SNTG1: variants seen among roughly 807,000 people sequenced by gnomAD.
The protein encoded by SNTG1 is gamma-1-syntrophin.
In SNTG1, 39 loss-of-function variants were observed where a neutral mutation model predicts 74.7. That is an observed-to-expected ratio of 0.52 (90% CI 0.40 to 0.68). The LOEUF is 0.68. SNTG1 is among the 30% of genes least tolerant of loss of function. The pLI, the probability that SNTG1 is intolerant of heterozygous loss-of-function variation, is 0.00. For synonymous variants in SNTG1, 254 were observed against 217.1 expected (o/e 1.17, Z -1.49); for missense variants, 685 against 609.5 (o/e 1.12, Z -1.30).
intron 2 of SNTG1, among the ~76,000 whole-genome samples, chr8:50,337,169 A>C (rs1055764508): frequency 5.3e-5 from 8 of 152,232 alleles, no homozygotes; most frequent in Non-Finnish European, 1.2e-4. Context: ...CATCAAGAAC[A>C]AGTGAACAAA....
At chr8:50,246,786 T>A (rs1272744295) in intron 2 of SNTG1, among the ~76,000 whole-genome samples, 1 of 152,198 alleles carries the variant, frequency 6.6e-6, no homozygotes, top group African/African-American at 2.4e-5. Flanking sequence ...TAAAATGCCT[T>A]GAGCACCCCA....
chr8:50,426,849 A>G (rs772607826), intron 4 of SNTG1, among the ~76,000 whole-genome samples: 7 of 152,180 alleles, frequency 4.6e-5, no homozygotes, highest in Non-Finnish European at 1.0e-4. Flanking sequence ...TTAAAAAGCA[A>G]TAACGTATAA....
chr8:50,261,205 C>G (rs376902302), intron 2 of SNTG1, among the ~76,000 whole-genome samples: 5 of 152,124 alleles, frequency 3.3e-5, no homozygotes, highest in African/African-American at 1.2e-4. Context: ...ATAATTGTAT[C>G]ACTCTTGTCA....
intron 15 of SNTG1, among the ~76,000 whole-genome samples, chr8:50,701,499 C>A (rs750616967): frequency 6.6e-6 from 1 of 152,140 alleles, no homozygotes; most frequent in Non-Finnish European, 1.5e-5. Context: ...TGATATTCTA[C>A]TCGTTTTCAG....
intron 15 of SNTG1, among the ~76,000 whole-genome samples, chr8:50,659,496 A>G (rs763152976): frequency 7.2e-5 from 11 of 152,206 alleles, no homozygotes; most frequent in Non-Finnish European, 1.5e-4. Flanking sequence ...TGAAACATTT[A>G]AAATATAATA....
chr8:50,507,709 G>A (rs758299957), intron 9 of SNTG1, among the ~76,000 whole-genome samples: 6 of 151,668 alleles, frequency 4.0e-5, no homozygotes, highest in African/African-American at 7.3e-5. Flanking sequence ...TATACTTTAA[G>A]TTTTAGGGTA....
At chr8:50,358,353 G>A (rs2091874565) in intron 2 of SNTG1, among the ~76,000 whole-genome samples, 1 of 152,154 alleles carries the variant, frequency 6.6e-6, no homozygotes, top group Non-Finnish European at 1.5e-5. Flanking sequence ...TTAACTAATG[G>A]AGGATACAAG....
intron 2 of SNTG1, among the ~76,000 whole-genome samples, chr8:50,182,128 A>G (rs1376299330): frequency 6.6e-6 from 1 of 152,224 alleles, no homozygotes; most frequent in Non-Finnish European, 1.5e-5. Context: ...ACGAAGATCT[A>G]TTTTAGAAGA....
intron 2 of SNTG1, among the ~76,000 whole-genome samples, chr8:50,224,548 G>T (rs2085233205): frequency 6.6e-6 from 1 of 152,164 alleles, no homozygotes; most frequent in South Asian, 2.1e-4. Flanking sequence ...CGTAAAACAA[G>T]ATATGTTTTT....
At chr8:50,351,997 A>T (rs10504105) in intron 2 of SNTG1, among the ~76,000 whole-genome samples, 2 of 152,198 alleles carry the variant, frequency 1.3e-5, no homozygotes, top group Non-Finnish European at 2.9e-5. Context: ...ATCCTGCCAT[A>T]GAGATTTTAC....
chr8:50,695,461 T>A (rs2095401174), intron 15 of SNTG1, among the ~76,000 whole-genome samples: 1 of 147,850 alleles, frequency 6.8e-6, no homozygotes, highest in Admixed American at 6.9e-5. Context: ...TATGAGTGAC[T>A]TTTAATTTTT....
rs955222881 is a variant in SNTG1 at position 50,795,641 on chromosome 8, T to A, written c.*2812T>A. The A allele has an allele frequency of 6.6e-6, 1 of 151,922 alleles. No individual in the cohort carries two copies. The highest frequency in any genetic ancestry group is 2.4e-5 in the African/African-American group (1 of 41,384). The allele number at this position is 151,922 out of a possible 1,614,324, so 9.4% of individuals were successfully genotyped here. Reference sequence around the variant, plus strand: ...CATTACAGTGTACATAACACAAGCTTAATGGAGAATATTGTAGGTATTTAG... The same window carrying A: ...CATTACAGTGTACATAACACAAGCTAAATGGAGAATATTGTAGGTATTTAG... On this transcript the variant is annotated 3_prime_UTR_variant, in exon 19 of 19. Transcript: ENST00000642720.
At chr8:50,253,547 C>CTATT (rs1322609315) in intron 2 of SNTG1, among the ~76,000 whole-genome samples, 1 of 152,114 alleles carries the variant, frequency 6.6e-6, no homozygotes, top group Non-Finnish European at 1.5e-5. Context: ...AATTGTAGCA[C>CTATT]TATTTCCAAA....
chr8:50,675,309 G>T (rs1297900247), intron 15 of SNTG1, among the ~76,000 whole-genome samples: 2 of 151,970 alleles, frequency 1.3e-5, no homozygotes, highest in Non-Finnish European at 1.5e-5. Flanking sequence ...TTCTTTGTAG[G>T]TCTCTAAGAA....
chr8:50,763,889 ACACACACACACACACAC>A (rs2095606387), intron 18 of SNTG1, among the ~76,000 whole-genome samples: 3 of 137,656 alleles, frequency 2.2e-5, no homozygotes, highest in African/African-American at 3.3e-5. Context: ...ACACACACAC[ACACACACACACACACAC>A]AAAAATAACC....
intron 18 of SNTG1, among the ~76,000 whole-genome samples, chr8:50,788,144 G>A (rs1451234259): frequency 6.6e-6 from 1 of 151,970 alleles, no homozygotes. Flanking sequence ...AATAATGATG[G>A]AGCTATTTGT....
At chr8:50,225,516 C>A (rs577092546) in intron 2 of SNTG1, among the ~76,000 whole-genome samples, 1 of 152,296 alleles carries the variant, frequency 6.6e-6, no homozygotes, top group South Asian at 2.1e-4. Context: ...GCTCATCTTA[C>A]ATGTATTGAT....
Position 50,085,924 on chromosome 8 carries a change from A to G in SNTG1, c.-102-86637A>G, listed in dbSNP as rs139987967. Among the ~76,000 whole-genome samples, 185 of 152,272 alleles carry G rather than the reference A, an allele frequency of 1.2e-3. 1 individual carries two copies. The highest frequency in any genetic ancestry group is 0.01 in the Middle Eastern group (3 of 294). ...GGGCCTTGTCAATGGTATCTTTTAT[A>G]GGTTCCACATTTTCTGCCGGCCTGA... On this transcript the variant is annotated intron_variant, in intron 1 of 18. Transcript: ENST00000642720.
At chr8:50,359,216 G>A (rs1363379582) in intron 2 of SNTG1, among the ~76,000 whole-genome samples, 1 of 152,162 alleles carries the variant, frequency 6.6e-6, no homozygotes, top group Non-Finnish European at 1.5e-5. Context: ...CTTCCTCTGA[G>A]TTCAGCTCCT....
Sources: gnomAD v4.1 joint callset for allele counts (sites outside exome capture counted in the v4.1 genomes callset) on GRCh38, gnomAD v4.1.1 for gene constraint, MANE v1.5 for transcripts, NCBI Gene and HGNC (gene_info 2026-07-23, HGNC 2026-07-21) for gene names.